ASB2: variants seen among roughly 807,000 people sequenced by gnomAD.
ASB2 encodes ankyrin repeat and SOCS box containing 2.
A neutral mutation model predicts 62.4 loss-of-function variants in ASB2; 58 were observed. The observed-to-expected ratio is 0.93, with a 90% CI of 0.75 to 1.16. The LOEUF (loss-of-function observed/expected upper bound fraction) is 1.16, where lower values mean the gene tolerates loss of function less well. Among genes scored for constraint, ASB2 ranks in the 50% most tolerant of loss-of-function variants. The pLI, the probability that ASB2 is intolerant of heterozygous loss-of-function variation, is 0.00. For missense variants in ASB2, 928 were observed against 887.9 expected, an observed-to-expected ratio of 1.05 and a Z score of -0.57; for synonymous variants, 386 against 385.3, an observed-to-expected ratio of 1.00 and a Z score of -0.02.
chr14:93,942,799 AACC>A (rs1379578474), intron 7 of ASB2, among the ~76,000 whole-genome samples: 2 of 152,220 alleles, frequency 1.3e-5, no homozygotes, highest in Admixed American at 1.3e-4. Context: ...CATGTCACTT[AACC>A]TCTCTGAACC....
At chr14:93,968,101 A>C (rs1889647980) in intron 1 of ASB2, among the ~76,000 whole-genome samples, 1 of 152,180 alleles carries the variant, frequency 6.6e-6, no homozygotes, top group South Asian at 2.1e-4. Flanking sequence ...CATAGACAGC[A>C]CATGGCTGCA....
At chr14:93,949,288 C>T (rs539577984) in intron 6 of ASB2, among the ~76,000 whole-genome samples, 2 of 152,304 alleles carry the variant, frequency 1.3e-5, no homozygotes, top group South Asian at 2.1e-4. Context: ...TCTGATCCAG[C>T]GGAAACAGCA....
At chr14:93,953,047 A>G (rs1233823658) in intron 5 of ASB2, among the ~76,000 whole-genome samples, 1 of 152,002 alleles carries the variant, frequency 6.6e-6, no homozygotes. Context: ...TGCTCCCACA[A>G]TGCCTCCTGC....
chr14:93,941,847 C>T (rs3790057), intron 7 of ASB2, among the ~76,000 whole-genome samples: 31,720 of 152,246 alleles, frequency 0.21, 3,753 homozygotes, highest in East Asian at 0.6. Context: ...CATCTTACTG[C>T]GGCAGGACTC....
intron 1 of ASB2, chr14:93,969,953 G>T (rs922997269): frequency 6.6e-6 from 1 of 152,244 alleles, no homozygotes; most frequent in Non-Finnish European, 1.5e-5. Flanking sequence ...CTTCTAAGTT[G>T]GGCCTTAGTC....
chr14:93,941,516 T>C (rs1888519834), intron 7 of ASB2: 25 of 376,470 alleles, frequency 6.6e-5, no homozygotes, highest in South Asian at 3.9e-4. Context: ...CAAAAGGAAA[T>C]TCACACACCC....
chr14:93,974,969 A>C (rs1889871137), intron 1 of ASB2, among the ~76,000 whole-genome samples: 1 of 152,222 alleles, frequency 6.6e-6, no homozygotes, highest in African/African-American at 2.4e-5. Flanking sequence ...CAGATGATGC[A>C]AACCAGCATG....
intron 1 of ASB2, among the ~76,000 whole-genome samples, chr14:93,974,438 T>C (rs1889851444): frequency 1.3e-5 from 2 of 152,246 alleles, no homozygotes; most frequent in Non-Finnish European, 2.9e-5. Context: ...CCTGATCCTC[T>C]GCAGCGCAGA....
chr14:93,964,682 G>A, intron 1 of ASB2, 70 bp from the exon 2 acceptor site: 1 of 721,190 alleles, frequency 1.4e-6, no homozygotes, highest in Non-Finnish European at 2.4e-6. Context: ...CCTCAGGGAA[G>A]GGTATGCATT....
intron 7 of ASB2, among the ~76,000 whole-genome samples, chr14:93,944,436 C>T (rs1383212884): frequency 1.3e-5 from 2 of 152,274 alleles, no homozygotes; most frequent in Non-Finnish European, 2.9e-5. Flanking sequence ...CACCATCTGG[C>T]AAACAGCCTT....
intron 7 of ASB2, chr14:93,944,041 A>G (rs1482530971): frequency 6.6e-6 from 3 of 455,826 alleles, no homozygotes; most frequent in Non-Finnish European, 1.3e-5. Context: ...AAGAGGCTCT[A>G]AGATCCTGAT....
chr14:93,941,700 G>A (rs1490154731), intron 7 of ASB2: 1 of 456,152 alleles, frequency 2.2e-6, no homozygotes, highest in South Asian at 1.5e-5. Context: ...ACAGTGAGAG[G>A]GGCTGCCCCG....
intron 5 of ASB2, 68 bp downstream of exon 5, chr14:93,953,284 A>G (rs1889039542): frequency 2.1e-6 from 3 of 1,416,042 alleles, no homozygotes; most frequent in Non-Finnish European, 2.9e-6. Flanking sequence ...CGGGAGCAAC[A>G]TTCCCTGTTG....
intron 9 of ASB2, among the ~76,000 whole-genome samples, chr14:93,935,517 T>C (rs189518752): frequency 1.3e-5 from 2 of 152,334 alleles, no homozygotes; most frequent in African/African-American, 4.8e-5. Context: ...CAGAGGTGCC[T>C]GCCCAGAGGC....
intron 1 of ASB2, 100 bp from the exon 2 acceptor site, chr14:93,964,712 C>A: frequency 1.6e-6 from 1 of 636,030 alleles, no homozygotes; most frequent in Non-Finnish European, 2.8e-6. Context: ...GTAACACATT[C>A]ATTTCTAAAT....
chr14:93,954,286 C>T (rs1008231182), intron 4 of ASB2, 31 bp downstream of exon 4: 1 of 1,598,402 alleles, frequency 6.3e-7, no homozygotes, highest in Non-Finnish European at 8.5e-7. Flanking sequence ...CCCTTTCCCA[C>T]CTCTTGCCAC....
At chr14:93,968,455 G>C (rs1889658892) in intron 1 of ASB2, among the ~76,000 whole-genome samples, 1 of 152,200 alleles carries the variant, frequency 6.6e-6, no homozygotes, top group African/African-American at 2.4e-5. Context: ...GAGACATATA[G>C]AAAGCTGGGA....
At chr14:93,951,272 C>A in intron 5 of ASB2, 28 bp from the exon 6 acceptor site, 2 of 1,571,198 alleles carry the variant, frequency 1.3e-6, no homozygotes, top group South Asian at 2.3e-5. Flanking sequence ...CAGGGATGGT[C>A]AGCAGGGCCT....
At chr14:93,950,967 A>T in intron 6 of ASB2, 32 bp downstream of exon 6, 7 of 1,592,642 alleles carry the variant, frequency 4.4e-6, no homozygotes, top group Non-Finnish European at 6.0e-6. Flanking sequence ...CCCTTTGGGG[A>T]CTCCATGACC....
Sources: allele counts gnomAD v4.1 joint callset (sites outside exome capture counted in the v4.1 genomes callset), GRCh38; gene constraint gnomAD v4.1.1; transcripts MANE v1.5; gene names NCBI Gene and HGNC (gene_info 2026-07-23, HGNC 2026-07-21).